The following SUPT3H variants were observed in gnomAD, a reference collection of about 807,000 sequenced individuals.
The protein encoded by SUPT3H is SPT3 homolog, SAGA and STAGA complex component.
Under a neutral mutation model 44.3 loss-of-function variants are expected in SUPT3H, and 44 were observed. The ratio of observed to expected loss-of-function variants is 0.99; its 90% confidence interval spans 0.78 to 1.28. The LOEUF (loss-of-function observed/expected upper bound fraction) is 1.28. Ranked by LOEUF, SUPT3H falls within the 50% of genes most tolerant of loss-of-function variation. The probability of loss-of-function intolerance (pLI) is 0.00; values close to 1 mark genes in which losing one functional copy is unlikely to be tolerated. For missense variants in SUPT3H, 380 were observed against 387.1 expected (o/e 0.98, Z 0.15); for synonymous variants, 124 against 125.6 (o/e 0.99, Z 0.09).
At chr6:44,880,082 G>A (rs571525544) in intron 10 of SUPT3H, among the ~76,000 whole-genome samples, 53 of 152,168 alleles carry the variant, frequency 3.5e-4, no homozygotes, top group Admixed American at 2.2e-3. Context: ...TGAGTTTGAC[G>A]AACTGACAGA....
intron 3 of SUPT3H, among the ~76,000 whole-genome samples, chr6:45,021,334 T>C (rs1785105353): frequency 6.6e-6 from 1 of 151,818 alleles, no homozygotes; most frequent in Admixed American, 6.6e-5. Context: ...AATTCATAAG[T>C]CCTAGAAACA....
chr6:45,331,301 A>T (rs1787461780), intron 2 of SUPT3H, among the ~76,000 whole-genome samples: 1 of 152,068 alleles, frequency 6.6e-6, no homozygotes, highest in Non-Finnish European at 1.5e-5. Context: ...GTATCTTAAA[A>T]TTAATGACTC....
intron 10 of SUPT3H, among the ~76,000 whole-genome samples, chr6:44,884,220 A>G (rs1301921573): frequency 6.6e-6 from 1 of 152,228 alleles, no homozygotes; most frequent in African/African-American, 2.4e-5. Flanking sequence ...ACTTCTGAAA[A>G]GAAGACATTT....
chr6:45,218,665 C>T (rs953276796), intron 2 of SUPT3H, among the ~76,000 whole-genome samples: 44 of 152,172 alleles, frequency 2.9e-4, no homozygotes, highest in African/African-American at 1.0e-3. Flanking sequence ...ACCTGGGAGG[C>T]GGAGGTTGCG....
intron 3 of SUPT3H, among the ~76,000 whole-genome samples, chr6:45,060,960 G>A (rs1292279315): frequency 6.6e-6 from 1 of 152,128 alleles, no homozygotes; most frequent in East Asian, 1.9e-4. Flanking sequence ...ATGCTGCCAA[G>A]GCTATGGAGA....
In SUPT3H at chr6:45,205,960, T is replaced by A. The variant is rs146891162; in HGVS notation, c.102-99954A>T. Among the ~76,000 whole-genome samples, 383 of 152,202 alleles carry A rather than the reference T, an allele frequency of 2.5e-3. 4 individuals are homozygous for A. Among genetic ancestry groups the A allele is most frequent in the African/African-American group, 8.9e-3 (371 of 41,516 alleles). On this transcript the variant is annotated intron_variant, in intron 2 of 10. Coordinates refer to ENST00000371459, the MANE Select transcript of SUPT3H (RefSeq NM_003599.4). ...CACAGAAGGCCTTAAAATTCAACAA[T>A]TATGAGAAATAATTCTAGAGTCACA...
At chr6:45,355,417 A>G (rs996604880) in intron 2 of SUPT3H, among the ~76,000 whole-genome samples, 2 of 152,006 alleles carry the variant, frequency 1.3e-5, no homozygotes, top group Non-Finnish European at 2.9e-5. Flanking sequence ...AAATGTTGAT[A>G]TAACAGTTCC....
chr6:45,047,293 G>A (rs867773913), intron 3 of SUPT3H, among the ~76,000 whole-genome samples: 1 of 152,092 alleles, frequency 6.6e-6, no homozygotes, highest in Non-Finnish European at 1.5e-5. Flanking sequence ...TTAAGGTGAA[G>A]GCATTCAGTC....
intron 1 of SUPT3H, among the ~76,000 whole-genome samples, chr6:45,369,866 T>C (rs192406373): frequency 2.6e-5 from 4 of 152,238 alleles, no homozygotes; most frequent in Admixed American, 2.6e-4. Context: ...TGGCATTTAA[T>C]ATAAGATCTG....
intron 6 of SUPT3H, among the ~76,000 whole-genome samples, chr6:44,997,793 T>C (rs1172886761): frequency 6.6e-6 from 1 of 151,844 alleles, no homozygotes; most frequent in Admixed American, 6.6e-5. Flanking sequence ...TTTTTTATCA[T>C]GAAGTAGAAG....
chr6:45,031,240 AATT>A (rs1363032058), intron 3 of SUPT3H, among the ~76,000 whole-genome samples: 1 of 152,212 alleles, frequency 6.6e-6, no homozygotes, highest in Non-Finnish European at 1.5e-5. Context: ...GTTATTATCA[AATT>A]ATTATTAAGT....
At position 45,068,303 on chromosome 6, in the gene SUPT3H, G is replaced by C. The variant is rs868393407; in HGVS notation, c.186+37619C>G. The stretch of plus-strand genomic sequence containing the variant: ...ACAGGAAGGGGAATATCACACTCTG[G>C]GGACTGTGGTGGGGTGGGGGGAGGG... On this transcript the variant is annotated intron_variant, in intron 3 of 10. Transcript: ENST00000371459. Among the ~76,000 whole-genome samples the C allele has an allele frequency of 2.1e-3, 275 of 129,002 alleles. 2 individuals carry two copies. The highest frequency in any genetic ancestry group is 7.4e-3 in the African/African-American group (249 of 33,822). 84.6% of individuals were successfully genotyped at this position (129,002 alleles called of 152,430 possible).
chr6:45,330,422 G>A (rs950352858), intron 2 of SUPT3H, among the ~76,000 whole-genome samples: 1 of 151,940 alleles, frequency 6.6e-6, no homozygotes, highest in Non-Finnish European at 1.5e-5. Context: ...AGGGATAACA[G>A]AGATATCAGG....
chr6:45,027,794 T>C (rs1562294066), intron 3 of SUPT3H, among the ~76,000 whole-genome samples: 1 of 152,220 alleles, frequency 6.6e-6, no homozygotes, highest in African/African-American at 2.4e-5. Context: ...CAATTGATAA[T>C]CTGGCTGAGT....
intron 10 of SUPT3H, among the ~76,000 whole-genome samples, chr6:44,857,085 A>T (rs558481788): frequency 2.1e-4 from 32 of 152,286 alleles, no homozygotes; most frequent in African/African-American, 7.0e-4. Context: ...CAAAGAAATA[A>T]TCCCTTTATT....
At chr6:45,323,026 G>A in intron 2 of SUPT3H, 1 of 991,678 alleles carries the variant, frequency 1.0e-6, no homozygotes, top group Non-Finnish European at 1.5e-6. Flanking sequence ...GATACAGACA[G>A]ACATACGATG....
chr6:44,934,909 G>T (rs1368099650), intron 9 of SUPT3H, among the ~76,000 whole-genome samples: 1 of 152,188 alleles, frequency 6.6e-6, no homozygotes, highest in African/African-American at 2.4e-5. Flanking sequence ...CCATTTGTAA[G>T]ATATGGAGAC....
intron 2 of SUPT3H, among the ~76,000 whole-genome samples, chr6:45,239,782 C>G (rs1475160353): frequency 6.6e-6 from 1 of 152,242 alleles, no homozygotes; most frequent in Admixed American, 6.5e-5. Flanking sequence ...AAACACATTA[C>G]TGGCATCCCA....
At chr6:45,273,724 T>C (rs1301306643) in intron 2 of SUPT3H, among the ~76,000 whole-genome samples, 2 of 152,208 alleles carry the variant, frequency 1.3e-5, no homozygotes, top group Non-Finnish European at 2.9e-5. Flanking sequence ...GTAACAAATA[T>C]TTGGGTCATT....
Sources: allele counts gnomAD v4.1 joint callset (sites outside exome capture counted in the v4.1 genomes callset), GRCh38; gene constraint gnomAD v4.1.1; transcripts MANE v1.5; gene names NCBI Gene and HGNC (gene_info 2026-07-23, HGNC 2026-07-21).